SAMD5: variants seen among roughly 807,000 people sequenced by gnomAD.
The protein encoded by SAMD5 is sterile alpha motif domain-containing protein 5.
Under a neutral mutation model 11.3 loss-of-function variants are expected in SAMD5, and 13 were observed. That is an observed-to-expected ratio of 1.15 (90% confidence interval 0.75 to 1.83). The LOEUF (loss-of-function observed/expected upper bound fraction) is 1.83. SAMD5 is among the 40% of genes most tolerant of loss of function. The probability of loss-of-function intolerance (pLI) is 0.00; values close to 1 mark genes in which losing one functional copy is unlikely to be tolerated. For missense variants in SAMD5, 255 were observed against 239.1 expected (o/e 1.07, Z -0.44); for synonymous variants, 129 against 111.3 (o/e 1.16, Z -1.00).
the SAMD5 span, among the ~76,000 whole-genome samples, chr6:147,799,565 A>C: frequency 6.6e-6 from 1 of 151,466 alleles, no homozygotes; most frequent in African/African-American, 2.4e-5. Flanking sequence ...GCTCTTCTCG[A>C]GGAGTATCTT....
intron 1 of SAMD5, among the ~76,000 whole-genome samples, chr6:147,717,080 A>C (rs1301722485): frequency 6.6e-6 from 1 of 152,032 alleles, no homozygotes; most frequent in Non-Finnish European, 1.5e-5. Context: ...CTAAAATCCA[A>C]ATTTTTCATC....
intron 1 of SAMD5, among the ~76,000 whole-genome samples, chr6:147,668,607 GC>G (rs1411305056): frequency 9.2e-5 from 14 of 152,272 alleles, no homozygotes; most frequent in African/African-American, 3.4e-4. Flanking sequence ...ACTTTGGGAG[GC>G]CGAGGCAGGT....
chr6:147,784,384 G>A, the SAMD5 span, among the ~76,000 whole-genome samples: 7 of 152,156 alleles, frequency 4.6e-5, no homozygotes, highest in African/African-American at 1.7e-4. Context: ...ACATGTGAAA[G>A]GTTGTTCTGA....
At chr6:147,831,861 A>G in the SAMD5 span, among the ~76,000 whole-genome samples, 1 of 152,210 alleles carries the variant, frequency 6.6e-6, no homozygotes, top group African/African-American at 2.4e-5. Context: ...CTGTCAGAGC[A>G]AGACTCTTTT....
chr6:147,657,580 A>C (rs990985096), intron 1 of SAMD5, among the ~76,000 whole-genome samples: 3 of 152,214 alleles, frequency 2.0e-5, no homozygotes, highest in African/African-American at 7.2e-5. Context: ...GGCTGCTATA[A>C]CAAAATACCA....
intron 1 of SAMD5, among the ~76,000 whole-genome samples, chr6:147,721,658 A>G (rs963913470): frequency 6.6e-6 from 1 of 151,898 alleles, no homozygotes; most frequent in Admixed American, 6.6e-5. Context: ...TTGCCTGTTT[A>G]CTCTGATGGT....
chr6:147,790,770 TTCTCTCTCTCTC>T, the SAMD5 span, among the ~76,000 whole-genome samples: 2,143 of 87,868 alleles, frequency 0.024, 56 homozygotes, highest in Non-Finnish European at 0.035. Flanking sequence ...CTCTCTCTCT[TTCTCTCTCTCTC>T]TCTCTCTCTC....
At chr6:147,817,580 C>G in the SAMD5 span, among the ~76,000 whole-genome samples, 1 of 152,200 alleles carries the variant, frequency 6.6e-6, no homozygotes, top group Non-Finnish European at 1.5e-5. Context: ...TATGGAAAGA[C>G]AGACGCTTCG....
the SAMD5 span, among the ~76,000 whole-genome samples, chr6:147,795,562 G>C: frequency 1.3e-5 from 2 of 150,706 alleles, no homozygotes; most frequent in East Asian, 3.9e-4. Flanking sequence ...ATGATTTATA[G>C]TCCTTTGGGT....
At chr6:147,674,714 G>A (rs17077214) in intron 1 of SAMD5, among the ~76,000 whole-genome samples, 1,886 of 152,126 alleles carry the variant, frequency 0.012, 43 homozygotes, top group African/African-American at 0.043. Context: ...GTTATTTTTC[G>A]TGTCCTGAGA....
At chr6:147,686,007 C>T (rs1371960799) in intron 1 of SAMD5, among the ~76,000 whole-genome samples, 1 of 152,154 alleles carries the variant, frequency 6.6e-6, no homozygotes, top group Non-Finnish European at 1.5e-5. Flanking sequence ...CTGATATTTG[C>T]GTTGTGTTTG....
intron 1 of SAMD5, among the ~76,000 whole-genome samples, chr6:147,675,575 G>A (rs574412495): frequency 1.2e-4 from 19 of 152,292 alleles, no homozygotes; most frequent in African/African-American, 4.6e-4. Flanking sequence ...GGTTTTGTAT[G>A]TGTAGGAGTT....
chr6:147,553,562 A>G (rs781214836), intron 1 of SAMD5, among the ~76,000 whole-genome samples: 1 of 152,188 alleles, frequency 6.6e-6, no homozygotes, highest in African/African-American at 2.4e-5. Flanking sequence ...ACCTTGGACA[A>G]TGGCTGAGAG....
the SAMD5 span, among the ~76,000 whole-genome samples, chr6:147,915,652 A>G: frequency 6.6e-6 from 1 of 152,182 alleles, no homozygotes; most frequent in Admixed American, 6.5e-5. Context: ...ACATCTAAAC[A>G]TACTTAGGTT....
At chr6:147,527,495 C>T (rs1788360498) in intron 1 of SAMD5, among the ~76,000 whole-genome samples, 1 of 152,166 alleles carries the variant, frequency 6.6e-6, no homozygotes, top group South Asian at 2.1e-4. Context: ...TCACCTCCCA[C>T]CAGGCCCCAC....
chr6:147,657,737 A>G (rs1477480283), intron 1 of SAMD5, among the ~76,000 whole-genome samples: 3 of 152,182 alleles, frequency 2.0e-5, no homozygotes, highest in African/African-American at 7.2e-5. Flanking sequence ...CCGCCCTCAC[A>G]TGGTAGAAGG....
the SAMD5 span, among the ~76,000 whole-genome samples, chr6:147,910,335 C>T: frequency 6.6e-6 from 1 of 152,204 alleles, no homozygotes; most frequent in East Asian, 1.9e-4. Flanking sequence ...GACGTCACAC[C>T]GCTCTCACTT....
intron 1 of SAMD5, among the ~76,000 whole-genome samples, chr6:147,518,071 G>A (rs566674942): frequency 6.6e-6 from 1 of 152,276 alleles, no homozygotes; most frequent in African/African-American, 2.4e-5. Context: ...ACCTGTCATG[G>A]TCTCTCCAGA....
At chr6:147,627,029 T>C (rs1043172696) in intron 1 of SAMD5, among the ~76,000 whole-genome samples, 1 of 152,178 alleles carries the variant, frequency 6.6e-6, no homozygotes, top group African/African-American at 2.4e-5. Context: ...CCTTTGCTAA[T>C]GGCATGAAGG....
Sources: allele counts gnomAD v4.1 joint callset (sites outside exome capture counted in the v4.1 genomes callset), GRCh38; gene constraint gnomAD v4.1.1; transcripts MANE v1.5; gene names NCBI Gene and HGNC (gene_info 2026-07-23, HGNC 2026-07-21).